Variants in CNTNAP2 observed in about 807,000 individuals in gnomAD.
CNTNAP2 encodes contactin-associated protein-like 2.
CNTNAP2 carries 98 observed loss-of-function variants against 155.2 expected under a neutral mutation model. That is an observed-to-expected ratio of 0.63 (90% CI 0.54 to 0.75). The LOEUF (loss-of-function observed/expected upper bound fraction) is 0.75. Ranked by LOEUF, CNTNAP2 falls within the 30% of genes least tolerant of loss-of-function variation. CNTNAP2 has a pLI of 0.00. For synonymous variants in CNTNAP2, 651 were observed against 631.2 expected (o/e 1.03, Z -0.47); for missense variants, 1,727 against 1,688.1 (o/e 1.02, Z -0.40).
intron 1 of CNTNAP2, among the ~76,000 whole-genome samples, chr7:146,145,310 C>G (rs1797942490): frequency 6.6e-6 from 1 of 152,132 alleles, no homozygotes; most frequent in African/African-American, 2.4e-5. Flanking sequence ...CTTTAAACAG[C>G]TTTAGCTAGA....
intron 2 of CNTNAP2, among the ~76,000 whole-genome samples, chr7:146,839,196 G>A (rs964286122): frequency 1.3e-5 from 2 of 151,942 alleles, no homozygotes; most frequent in Admixed American, 6.6e-5. Flanking sequence ...GTACCTCTCA[G>A]TGGTACAGGA....
chr7:147,262,629 C>A (rs565947740), intron 8 of CNTNAP2, among the ~76,000 whole-genome samples: 2 of 152,120 alleles, frequency 1.3e-5, no homozygotes, highest in South Asian at 4.2e-4. Context: ...ACGGTGAAAC[C>A]CCGTCTCCAC....
chr7:146,640,880 T>C (rs1292571500), intron 1 of CNTNAP2, among the ~76,000 whole-genome samples: 1 of 152,100 alleles, frequency 6.6e-6, no homozygotes, highest in African/African-American at 2.4e-5. Flanking sequence ...AGAGGTAATG[T>C]GGAAAGAATA....
At chr7:146,313,724 C>T (rs1228273833) in intron 1 of CNTNAP2, among the ~76,000 whole-genome samples, 1 of 152,074 alleles carries the variant, frequency 6.6e-6, no homozygotes, top group African/African-American at 2.4e-5. Flanking sequence ...TTGGGCCTGG[C>T]ACGGTGGCTC....
intron 13 of CNTNAP2, among the ~76,000 whole-genome samples, chr7:147,695,793 C>A (rs375468567): frequency 1.3e-5 from 2 of 152,004 alleles, no homozygotes; most frequent in Non-Finnish European, 2.9e-5. Context: ...CAGAGTGAGA[C>A]TCCATCTCAA....
intron 13 of CNTNAP2, among the ~76,000 whole-genome samples, chr7:147,775,241 ATT>A (rs1357616344): frequency 2.6e-5 from 3 of 113,242 alleles, no homozygotes; most frequent in African/African-American, 6.8e-5. Context: ...ATATATATAT[ATT>A]TATATATATA....
chr7:147,416,201 A>C (rs1318488839), intron 10 of CNTNAP2, among the ~76,000 whole-genome samples: 1 of 152,168 alleles, frequency 6.6e-6, no homozygotes, highest in African/African-American at 2.4e-5. Flanking sequence ...CTTCAATTAC[A>C]ATCAGTTTCT....
At position 147,931,674 on chromosome 7, in the gene CNTNAP2, T is replaced by C. The variant is rs1800505985; in HGVS notation, c.2255+27953T>C. Among the ~76,000 whole-genome samples, 3 of 152,086 alleles carry C rather than the reference T, an allele frequency of 2.0e-5. No homozygotes were observed. In the South Asian group the frequency reaches 6.2e-4, roughly 32 times the overall value. Reference sequence around the variant, plus strand: ...ACTACATTGCCAGAATGCCTAGGAATAAACTTAAGAAGGTGAAAGACTTGT... The same window carrying C: ...ACTACATTGCCAGAATGCCTAGGAACAAACTTAAGAAGGTGAAAGACTTGT... On this transcript the variant is annotated intron_variant, in intron 14 of 23. Transcript: ENST00000361727.
At chr7:147,998,333 G>A (rs181501325) in intron 15 of CNTNAP2, among the ~76,000 whole-genome samples, 6 of 151,910 alleles carry the variant, frequency 3.9e-5, no homozygotes, top group African/African-American at 1.2e-4. Context: ...GGCTGGTCTC[G>A]ATCTCCTGAC....
chr7:147,097,298 T>A (rs1288231002), intron 4 of CNTNAP2: 1 of 152,240 alleles, frequency 6.6e-6, no homozygotes, highest in Non-Finnish European at 1.5e-5. Flanking sequence ...AGTAATGGTG[T>A]TTGTTCATGT....
At chr7:147,288,082 T>G (rs1344350571) in intron 8 of CNTNAP2, among the ~76,000 whole-genome samples, 2 of 152,180 alleles carry the variant, frequency 1.3e-5, no homozygotes, top group Non-Finnish European at 2.9e-5. Context: ...CCAAGCATAT[T>G]TTCTCTCAGG....
intron 11 of CNTNAP2, among the ~76,000 whole-genome samples, chr7:147,489,211 G>C (rs999306147): frequency 2.0e-5 from 3 of 152,112 alleles, no homozygotes; most frequent in Non-Finnish European, 2.9e-5. Flanking sequence ...TGGGGACTTT[G>C]TTTTTACGTA....
At chr7:148,315,471 A>G (rs1331499979) in intron 21 of CNTNAP2, among the ~76,000 whole-genome samples, 2 of 152,120 alleles carry the variant, frequency 1.3e-5, no homozygotes, top group Non-Finnish European at 2.9e-5. Context: ...ATTTCACAAG[A>G]TAATGTCATC....
At chr7:147,374,914 C>A (rs1796409149) in intron 9 of CNTNAP2, among the ~76,000 whole-genome samples, 1 of 151,928 alleles carries the variant, frequency 6.6e-6, no homozygotes, top group African/African-American at 2.4e-5. Context: ...TGTGTCCCCA[C>A]CCAAATCTCA....
At chr7:147,576,984 TA>T (rs1167030132) in intron 12 of CNTNAP2, among the ~76,000 whole-genome samples, 2 of 152,098 alleles carry the variant, frequency 1.3e-5, no homozygotes, top group African/African-American at 4.8e-5. Flanking sequence ...GGATGTATTT[TA>T]AAAGTAAATT....
chr7:146,141,816 T>A (rs1797885500), intron 1 of CNTNAP2, among the ~76,000 whole-genome samples: 1 of 152,088 alleles, frequency 6.6e-6, no homozygotes, highest in South Asian at 2.1e-4. Context: ...ATAAGAAAAA[T>A]GTAAAATTCA....
chr7:147,791,073 C>T (rs1797811479), intron 13 of CNTNAP2, among the ~76,000 whole-genome samples: 1 of 152,150 alleles, frequency 6.6e-6, no homozygotes, highest in East Asian at 1.9e-4. Flanking sequence ...TCTGTTATTT[C>T]TAGTTGCACG....
At chr7:146,386,835 A>G (rs1196828372) in intron 1 of CNTNAP2, among the ~76,000 whole-genome samples, 1 of 152,204 alleles carries the variant, frequency 6.6e-6, no homozygotes, top group Admixed American at 6.5e-5. Flanking sequence ...AATTCATGAA[A>G]TCTGTAATCT....
intron 14 of CNTNAP2, among the ~76,000 whole-genome samples, chr7:147,941,126 G>A (rs1411209388): frequency 6.6e-6 from 1 of 152,144 alleles, no homozygotes; most frequent in African/African-American, 2.4e-5. Flanking sequence ...TCCAACATGA[G>A]GGACTGAAGC....
Sources: allele counts gnomAD v4.1 joint callset (sites outside exome capture counted in the v4.1 genomes callset), GRCh38; gene constraint gnomAD v4.1.1; transcripts MANE v1.5; gene names NCBI Gene and HGNC (gene_info 2026-07-23, HGNC 2026-07-21).